Variants in PCDH15 observed in about 807,000 individuals in gnomAD.
PCDH15 encodes protocadherin related 15.
A neutral mutation model predicts 178.5 loss-of-function variants in PCDH15; 129 were observed. The ratio of observed to expected loss-of-function variants is 0.72; its 90% CI spans 0.63 to 0.84. The LOEUF (loss-of-function observed/expected upper bound fraction) is 0.84. Ranked by LOEUF, PCDH15 falls within the 40% of genes least tolerant of loss-of-function variation. PCDH15 has a pLI of 0.00. For synonymous variants in PCDH15, 800 were observed against 732.0 expected (o/e 1.09, Z -1.50); for missense variants, 2,230 against 2,099.9 (o/e 1.06, Z -1.21).
chr10:54,565,996 A>G (rs2088970086), intron 2 of PCDH15, among the ~76,000 whole-genome samples: 1 of 152,156 alleles, frequency 6.6e-6, no homozygotes, highest in African/African-American at 2.4e-5. Context: ...AGGCAGTAGA[A>G]TCGTTTGAAA....
chr10:53,913,661 G>A (rs1057000791), intron 25 of PCDH15, among the ~76,000 whole-genome samples: 18 of 151,342 alleles, frequency 1.2e-4, no homozygotes, highest in East Asian at 1.9e-4. Flanking sequence ...GGAGAATGGC[G>A]TGAACCCGGG....
chr10:55,274,280 A>G (rs1237728), intron 1 of PCDH15, among the ~76,000 whole-genome samples: 127,480 of 152,078 alleles, frequency 0.84, 53,679 homozygotes, highest in East Asian at 1. Flanking sequence ...GCATGGAATT[A>G]GCAGAATACC....
chr10:55,495,563 C>T (rs1018525466), intron 2 of PCDH15, among the ~76,000 whole-genome samples: 2 of 151,950 alleles, frequency 1.3e-5, no homozygotes, highest in African/African-American at 2.4e-5. Flanking sequence ...TTCATATCCA[C>T]TAGCATGGTT....
intron 3 of PCDH15, among the ~76,000 whole-genome samples, chr10:54,864,506 G>A (rs890058369): frequency 3.3e-5 from 5 of 152,054 alleles, no homozygotes; most frequent in African/African-American, 7.2e-5. Flanking sequence ...ATAGATGTAC[G>A]GTTTATTGTT....
At chr10:54,373,069 A>G (rs866773132) in intron 4 of PCDH15, among the ~76,000 whole-genome samples, 33 of 151,904 alleles carry the variant, frequency 2.2e-4, no homozygotes, top group Admixed American at 1.2e-3. Context: ...ATCATTTAGG[A>G]TTCAACATGA....
intron 2 of PCDH15, among the ~76,000 whole-genome samples, chr10:55,417,626 T>C (rs1042299095): frequency 2.6e-5 from 4 of 151,652 alleles, no homozygotes; most frequent in African/African-American, 9.7e-5. Flanking sequence ...TTCATAAAGC[T>C]AGGATTCTTT....
intron 1 of PCDH15, among the ~76,000 whole-genome samples, chr10:55,178,277 G>A (rs890525038): frequency 3.9e-5 from 6 of 152,142 alleles, no homozygotes; most frequent in Non-Finnish European, 7.3e-5. Context: ...GGCAGTGAGA[G>A]TTCCACAGAT....
intron 5 of PCDH15, among the ~76,000 whole-genome samples, chr10:54,353,216 A>C (rs1225172908): frequency 6.6e-6 from 1 of 152,140 alleles, no homozygotes; most frequent in Non-Finnish European, 1.5e-5. Context: ...ATTTTTCCAA[A>C]TCAAACATCC....
At chr10:54,320,586 T>TA (rs2061537868) in intron 7 of PCDH15, among the ~76,000 whole-genome samples, 1 of 48,024 alleles carries the variant, frequency 2.1e-5, no homozygotes, top group African/African-American at 6.3e-5. Flanking sequence ...ATTTTAAATT[T>TA]TAAAAAAAAA....
At chr10:55,185,241 C>G (rs1187854907) in intron 1 of PCDH15, among the ~76,000 whole-genome samples, 1 of 151,686 alleles carries the variant, frequency 6.6e-6, no homozygotes, top group African/African-American at 2.4e-5. Flanking sequence ...TGAGACAAAA[C>G]AAATGTTTAG....
At chr10:54,319,718 T>C (rs1366287209) in intron 7 of PCDH15, among the ~76,000 whole-genome samples, 1 of 151,548 alleles carries the variant, frequency 6.6e-6, no homozygotes, top group Non-Finnish European at 1.5e-5. Context: ...GACCTGTATT[T>C]TTTTTTTTTT....
chr10:54,691,051 A>G (rs1178234543), intron 1 of PCDH15, among the ~76,000 whole-genome samples: 1 of 152,170 alleles, frequency 6.6e-6, no homozygotes, highest in Non-Finnish European at 1.5e-5. Context: ...GTAGCAGAAC[A>G]AAAGAGGAAA....
intron 8 of PCDH15, among the ~76,000 whole-genome samples, chr10:54,286,596 G>T (rs536381906): frequency 6.6e-6 from 1 of 151,892 alleles, no homozygotes; most frequent in East Asian, 1.9e-4. Context: ...TGTTTTGTAC[G>T]TTCAATCCTC....
intron 2 of PCDH15, among the ~76,000 whole-genome samples, chr10:55,032,585 C>T (rs1273696939): frequency 6.6e-6 from 1 of 152,040 alleles, no homozygotes; most frequent in African/African-American, 2.4e-5. Context: ...AAAAGGAAAG[C>T]AAAATGTAAA....
intron 1 of PCDH15, among the ~76,000 whole-genome samples, chr10:54,690,075 T>C (rs942553311): frequency 3.3e-5 from 5 of 152,134 alleles, no homozygotes; most frequent in Non-Finnish European, 5.9e-5. Flanking sequence ...GGACCACATA[T>C]ATGAGGTGAT....
intron 8 of PCDH15, among the ~76,000 whole-genome samples, chr10:54,257,287 A>T (rs1407582458): frequency 6.6e-6 from 1 of 152,128 alleles, no homozygotes; most frequent in African/African-American, 2.4e-5. Context: ...TTGCGTTATG[A>T]GGGAATCTGA....
At chr10:53,951,258 G>C (rs953167399) in intron 23 of PCDH15, among the ~76,000 whole-genome samples, 1 of 152,092 alleles carries the variant, frequency 6.6e-6, no homozygotes, top group Non-Finnish European at 1.5e-5. Flanking sequence ...AAAAATCAAA[G>C]TTTATAATTG....
chr10:54,796,264 A>ATCTG (rs1193570933), intron 1 of PCDH15, among the ~76,000 whole-genome samples: 3 of 109,368 alleles, frequency 2.7e-5, no homozygotes, highest in African/African-American at 4.1e-5. Flanking sequence ...CTATCTATCT[A>ATCTG]TCTATCTATG....
chr10:55,027,265 T>C (rs1278486342), intron 2 of PCDH15, among the ~76,000 whole-genome samples: 1 of 151,686 alleles, frequency 6.6e-6, no homozygotes, highest in Admixed American at 6.6e-5. Flanking sequence ...TAGTTGGCAA[T>C]CAAAATATTA....
Sources: allele counts gnomAD v4.1 joint callset (sites outside exome capture counted in the v4.1 genomes callset), GRCh38; gene constraint gnomAD v4.1.1; transcripts MANE v1.5; gene names NCBI Gene and HGNC (gene_info 2026-07-23, HGNC 2026-07-21).